The following DCAF15 variants were observed in gnomAD, a reference collection of about 807,000 sequenced individuals.
The protein encoded by DCAF15 is DDB1- and CUL4-associated factor 15.
DCAF15 carries 24 observed loss-of-function variants against 68.0 expected under a neutral mutation model. The ratio of observed to expected loss-of-function variants is 0.35; its 90% CI spans 0.26 to 0.50. DCAF15 has a LOEUF of 0.50. Ranked by LOEUF, DCAF15 falls within the 20% of genes least tolerant of loss-of-function variation. DCAF15 has a pLI of 0.98. For missense variants in DCAF15, 627 were observed against 830.6 expected (o/e 0.75, Z 3.01); for synonymous variants, 376 against 341.6 (o/e 1.10, Z -1.11).
chr19:13,953,755 A>T (rs370794716), intron 1 of DCAF15, among the ~76,000 whole-genome samples: 1 of 152,148 alleles, frequency 6.6e-6, no homozygotes, highest in African/African-American at 2.4e-5. Flanking sequence ...AGTTTTGGGG[A>T]TGAGGGATTC....
chr19:13,959,134 C>A lies in DCAF15; in HGVS notation c.874C>A (p.Pro292Thr), dbSNP rs1973482956. ...SPPEPQSPELPPALPSFCPEA... is the reference protein window; with the variant it reads ...SPPEPQSPELTPALPSFCPEA... ...CCCTGAGCCCCAGAGCCCAGAGCTG[C>A]CCCCTGCCCTCCCCAGCTTCTGCCC... is the stretch of plus-strand genomic sequence containing the variant. The change falls in exon 7 of 13, where the codon CCC (proline) becomes ACC (threonine). Residue 292 changes from proline to threonine, a missense_variant. Pro to Thr is a conservative substitution (Grantham distance 38). Coordinates refer to ENST00000254337, the MANE Select transcript of DCAF15 (RefSeq NM_138353.4). 6.2e-7 allele frequency: 1 copy of A among 1,612,168 alleles called. No individual in the cohort carries two copies. The highest frequency in any genetic ancestry group is 1.3e-5 in the African/African-American group (1 of 74,886).
At chr19:13,959,553 C>A (rs762087528) in intron 7 of DCAF15, 29 bp from the exon 8 acceptor site, 33 of 1,611,910 alleles carry the variant, frequency 2.0e-5, no homozygotes, top group Non-Finnish European at 2.3e-5. Flanking sequence ...GGCCTCCCTC[C>A]ACCCCACCCC....
At position 13,956,119 on chromosome 19, in the gene DCAF15, C is replaced by T; in HGVS notation, c.474-4C>T. On this transcript the variant is annotated splice_region_variant and splice_polypyrimidine_tract_variant and intron_variant, in intron 4 of 12. Coordinates refer to ENST00000254337, the MANE Select transcript of DCAF15 (RefSeq NM_138353.4). The stretch of plus-strand genomic sequence containing the variant: ...CAGGCAGCTGAGGGTATGCTGGCCC[C>T]CAGCACCCGCTCGGCCAACGGGATG... 6.2e-7 allele frequency: 1 copy of T among 1,609,364 alleles called. No homozygotes were observed. Among genetic ancestry groups the T allele is most frequent in the Non-Finnish European group, 8.5e-7 (1 of 1,178,450 alleles).
At chr19:13,960,906 G>C (rs954593459) in intron 12 of DCAF15, 34 bp from the exon 13 acceptor site, 2 of 1,613,648 alleles carry the variant, frequency 1.2e-6, no homozygotes, top group Non-Finnish European at 1.7e-6. Context: ...AGGCAGGCAG[G>C]GGCTCTATGC....
intron 10 of DCAF15, 105 bp downstream of exon 10, chr19:13,960,174 T>G (rs1973555465): frequency 1.3e-6 from 2 of 1,569,516 alleles, no homozygotes. Flanking sequence ...TGCCACAACC[T>G]GGCTGGGCCC....
Position 13,959,463 on chromosome 19 carries a change from G to C in DCAF15, c.1203G>C (p.Gly401=), listed in dbSNP as rs776719372. The change falls in exon 7 of 13, where the codon GGG becomes GGC. Residue 401 remains glycine, a synonymous_variant. Transcript: ENST00000254337. The part of the protein sequence containing the change: ...KLYYVLESGE[G]TEPEDELEDD... ...ACTATGTGCTGGAGTCCGGAGAGGG[G>C]ACGGAGCCGGAGGATGGTGAGCGGG... 3 of 1,609,700 alleles carry C rather than the reference G, an allele frequency of 1.9e-6. No homozygotes were observed. In the Admixed American group the frequency reaches 5.0e-5, roughly 27 times the overall value.
At chr19:13,957,116 G>A (rs1426062535) in intron 6 of DCAF15, among the ~76,000 whole-genome samples, 1 of 152,210 alleles carries the variant, frequency 6.6e-6, no homozygotes, top group Admixed American at 6.5e-5. Context: ...TAGCTGGACG[G>A]GGTAGCGCCC....
intron 1 of DCAF15, 103 bp from the exon 2 acceptor site, chr19:13,954,237 G>A: frequency 1.1e-6 from 1 of 945,690 alleles, no homozygotes; most frequent in Non-Finnish European, 1.6e-6. Flanking sequence ...TGGTGGGCTG[G>A]GCCGGTCTGG....
Position 13,960,596 on chromosome 19 carries a change from C to T in DCAF15, c.1747+16C>T. 1.3e-6 allele frequency: 2 copies of T among 1,560,812 alleles called. No individual in the cohort carries two copies. The highest frequency in any genetic ancestry group is 8.7e-7 in the Non-Finnish European group (1 of 1,152,824). ...CTGCACAAAGGTGGGGCTCGGTGAC[C>T]CCGTGATGGTCAGGGTCACCAGGAA... On this transcript the variant is annotated intron_variant, in intron 12 of 12. Transcript: ENST00000254337.
chr19:13,953,337 C>T (rs978933367), intron 1 of DCAF15: 6 of 544,780 alleles, frequency 1.1e-5, no homozygotes, highest in African/African-American at 8.0e-5. Context: ...AAGGCTGTGT[C>T]TCTGTGGACA....
At chr19:13,958,937 G>C (rs1226042387) in intron 6 of DCAF15, 108 bp from the exon 7 acceptor site, 1 of 1,367,062 alleles carries the variant, frequency 7.3e-7, no homozygotes. Context: ...GCATAGCCAA[G>C]TCTCCTAGAA....
intron 6 of DCAF15, 22 bp downstream of exon 6, chr19:13,956,544 C>T: frequency 6.2e-7 from 1 of 1,610,534 alleles, no homozygotes; most frequent in African/African-American, 1.3e-5. Flanking sequence ...GGTCTCGTGG[C>T]CACCCGGCAA....
Position 13,952,560 on chromosome 19 carries a change from C to T in DCAF15, c.48C>T (p.Gly16=), listed in dbSNP as rs779122958. The change falls in exon 1 of 13, where the codon GGC becomes GGT. Residue 16 remains glycine (G), a synonymous_variant. Coordinates refer to ENST00000254337, the MANE Select transcript of DCAF15 (RefSeq NM_138353.4). Reference sequence around the variant, plus strand: ...AGCGGAACAGCGGGGCTGGGAGCGGCGGCGGCGGCCCCGGGGGAGCCGGAG... The same window carrying T: ...AGCGGAACAGCGGGGCTGGGAGCGGTGGCGGCGGCCCCGGGGGAGCCGGAG... The part of the protein sequence containing the change: ...KSERNSGAGS[G]GGGPGGAGGK... 4.8e-6 allele frequency: 6 copies of T among 1,262,740 alleles called. No individual in the cohort carries two copies. The highest frequency in any genetic ancestry group is 6.0e-6 in the Non-Finnish European group (6 of 999,914). 78.2% of individuals were successfully genotyped at this position (1,262,740 alleles called of 1,614,324 possible). A position where few individuals can be genotyped will look rare whatever the true frequency, so the allele number is the denominator to read the frequency against.
At chr19:13,957,209 C>T (rs1023440289) in intron 6 of DCAF15, among the ~76,000 whole-genome samples, 6 of 152,168 alleles carry the variant, frequency 3.9e-5, no homozygotes, top group African/African-American at 1.2e-4. Context: ...TGTTTGATAT[C>T]GGAAAGATGC....
intron 6 of DCAF15, among the ~76,000 whole-genome samples, chr19:13,958,666 C>G (rs950075628): frequency 6.6e-6 from 1 of 152,088 alleles, no homozygotes; most frequent in African/African-American, 2.4e-5. Flanking sequence ...CAGAGAAACG[C>G]CAGTGAAAAT....
chr19:13,955,998 G>A lies in DCAF15; in HGVS notation c.453G>A (p.Lys151=). 2 of 1,613,860 alleles carry A rather than the reference G, an allele frequency of 1.2e-6. No homozygotes were observed. The highest frequency in any genetic ancestry group is 1.7e-6 in the Non-Finnish European group (2 of 1,180,018). The change falls in exon 4 of 13, where the codon AAG becomes AAA. Residue 151 remains lysine (K), a synonymous_variant. Transcript: ENST00000254337. ...GCGAGTGGCCCAGCGACGCCTCCAAGGTCATCGTCTTCGGCTTCAAGTGAG... is the reference window on the plus strand; with the variant it reads ...GCGAGTGGCCCAGCGACGCCTCCAAAGTCATCGTCTTCGGCTTCAAGTGAG... ...TVCEWPSDAS[K]VIVFGFNTRS...
chr19:13,954,480 G>C (rs757512852), intron 2 of DCAF15, 43 bp downstream of exon 2: 40 of 1,613,974 alleles, frequency 2.5e-5, no homozygotes, highest in Non-Finnish European at 3.3e-5. Context: ...GGCGGGAGTG[G>C]TGGGCTCGCC....
Position 13,956,200 on chromosome 19 carries a change from C to G in DCAF15, c.551C>G (p.Thr184Ser). ...AACCACCGTGACATCTACGTCAGCA[C>G]CGTGGCCGTGCCACCGCCAGGCCGC... ...DENHRDIYVS[T>S]VAVPPPGRCA... Residue 184 changes from threonine (T) to serine (S), a missense_variant, in exon 5 of 13, where the codon ACC (threonine) becomes AGC (serine). This residue lies in a region of DCAF15 where 273 missense variants were observed against 393.7 expected (regional missense o/e 0.69). Coordinates refer to ENST00000254337, the MANE Select transcript of DCAF15 (RefSeq NM_138353.4). The G allele has an allele frequency of 6.2e-7, 1 of 1,611,910 alleles. No homozygotes were observed. Among genetic ancestry groups the G allele is most frequent in the Non-Finnish European group, 8.5e-7 (1 of 1,179,720 alleles).
intron 2 of DCAF15, 30 bp downstream of exon 2, chr19:13,954,467 G>A: frequency 1.2e-6 from 2 of 1,613,906 alleles, no homozygotes; most frequent in Non-Finnish European, 1.7e-6. Flanking sequence ...AAGGGGGCAG[G>A]TGGGCGGGAG....
Sources: allele counts gnomAD v4.1 joint callset (sites outside exome capture counted in the v4.1 genomes callset), GRCh38; gene constraint gnomAD v4.1.1; regional missense constraint gnomAD v4.1.1; transcripts MANE v1.5; gene names NCBI Gene and HGNC (gene_info 2026-07-23, HGNC 2026-07-21).